The following SPOCK1 variants were observed in gnomAD, a reference collection of about 807,000 sequenced individuals.
The protein encoded by SPOCK1 is SPARC (osteonectin), cwcv and kazal like domains proteoglycan 1.
A neutral mutation model predicts 55.3 loss-of-function variants in SPOCK1; 23 were observed. That is an observed-to-expected ratio of 0.42 (90% CI 0.30 to 0.59). The LOEUF is 0.59. SPOCK1 is among the 20% of genes least tolerant of loss of function. SPOCK1 has a pLI of 0.22. For missense variants in SPOCK1, 499 were observed against 552.5 expected (o/e 0.90, Z 0.97); for synonymous variants, 226 against 221.0 (o/e 1.02, Z -0.20).
chr5:136,979,979 C>T (rs1459081338), intron 9 of SPOCK1, among the ~76,000 whole-genome samples: 1 of 152,198 alleles, frequency 6.6e-6, no homozygotes, highest in Non-Finnish European at 1.5e-5. Context: ...TTAACTACTG[C>T]ACTTGGTTCT....
chr5:137,182,589 C>T (rs997008618), intron 3 of SPOCK1, among the ~76,000 whole-genome samples: 1 of 152,106 alleles, frequency 6.6e-6, no homozygotes, highest in East Asian at 1.9e-4. Context: ...ATTTCGGAGC[C>T]CTTGTCTGAG....
chr5:137,302,494 A>G (rs2905546), intron 2 of SPOCK1, among the ~76,000 whole-genome samples: 129,515 of 151,100 alleles, frequency 0.86, 55,771 homozygotes, highest in African/African-American at 0.94. Context: ...GGAGAATGGC[A>G]TGAACCTGGG....
chr5:137,027,792 C>T (rs565102171), intron 6 of SPOCK1, among the ~76,000 whole-genome samples: 10 of 151,536 alleles, frequency 6.6e-5, no homozygotes, highest in Non-Finnish European at 1.2e-4. Flanking sequence ...ACCCCTTTTG[C>T]ACCCCTCATT....
At chr5:137,105,150 C>T (rs116731824) in intron 5 of SPOCK1, among the ~76,000 whole-genome samples, 2,569 of 152,288 alleles carry the variant, frequency 0.017, 30 homozygotes, top group Non-Finnish European at 0.024. Context: ...TGCCTAATTG[C>T]TGCTGCTGCT....
intron 2 of SPOCK1, among the ~76,000 whole-genome samples, chr5:137,285,086 C>G (rs1314709616): frequency 6.6e-6 from 1 of 152,202 alleles, no homozygotes; most frequent in Non-Finnish European, 1.5e-5. Context: ...GCCTCTGTCC[C>G]CAGCAGCAGC....
At chr5:137,229,074 G>A (rs1434863700) in intron 3 of SPOCK1, among the ~76,000 whole-genome samples, 1 of 152,138 alleles carries the variant, frequency 6.6e-6, no homozygotes, top group Non-Finnish European at 1.5e-5. Context: ...TCAGACTGCA[G>A]CTGCTCCTGG....
intron 3 of SPOCK1, among the ~76,000 whole-genome samples, chr5:137,221,540 A>G (rs1253960552): frequency 6.6e-6 from 1 of 152,156 alleles, no homozygotes; most frequent in African/African-American, 2.4e-5. Context: ...CTAATAACCG[A>G]GACCTTTACA....
At chr5:137,484,912 T>G (rs965899801) in intron 2 of SPOCK1, among the ~76,000 whole-genome samples, 1 of 152,146 alleles carries the variant, frequency 6.6e-6, no homozygotes, top group Non-Finnish European at 1.5e-5. Flanking sequence ...GTTGTGTTGT[T>G]ACATGAAAAA....
chr5:137,033,337 C>G (rs952259305), intron 6 of SPOCK1, among the ~76,000 whole-genome samples: 2 of 152,200 alleles, frequency 1.3e-5, no homozygotes, highest in Non-Finnish European at 2.9e-5. Flanking sequence ...ATGCTACGTG[C>G]CTTCGAATTT....
intron 6 of SPOCK1, among the ~76,000 whole-genome samples, chr5:137,023,436 C>G (rs1304559876): frequency 1.3e-5 from 2 of 152,146 alleles, no homozygotes; most frequent in Non-Finnish European, 2.9e-5. Context: ...CTTGAAGACA[C>G]ATTCTGGTAG....
intron 6 of SPOCK1, among the ~76,000 whole-genome samples, chr5:137,042,435 A>C (rs1025748836): frequency 2.0e-5 from 3 of 152,220 alleles, no homozygotes; most frequent in African/African-American, 7.2e-5. Context: ...TACAGCGTAG[A>C]GTGAACCTTA....
At chr5:137,090,334 C>G (rs1255668093) in intron 5 of SPOCK1, among the ~76,000 whole-genome samples, 1 of 152,154 alleles carries the variant, frequency 6.6e-6, no homozygotes, top group Non-Finnish European at 1.5e-5. Flanking sequence ...CTGTGAATAC[C>G]AGAACACCTC....
intron 6 of SPOCK1, among the ~76,000 whole-genome samples, chr5:137,065,311 G>A (rs1162219079): frequency 1.3e-5 from 2 of 151,334 alleles, no homozygotes; most frequent in Non-Finnish European, 2.9e-5. Flanking sequence ...TTAGGATACT[G>A]TTGGTACTGT....
chr5:137,457,348 A>T (rs1463262599), intron 2 of SPOCK1, among the ~76,000 whole-genome samples: 1 of 152,236 alleles, frequency 6.6e-6, no homozygotes, highest in Non-Finnish European at 1.5e-5. Context: ...TGAGCAGAAT[A>T]CAATATTCCT....
chr5:137,306,630 A>G (rs755092269), intron 2 of SPOCK1, among the ~76,000 whole-genome samples: 13 of 152,214 alleles, frequency 8.5e-5, no homozygotes, highest in Non-Finnish European at 1.6e-4. Flanking sequence ...CAAAAAGTAT[A>G]CAGCAAAAAA....
chr5:137,419,288 T>A (rs1222228530), intron 2 of SPOCK1, among the ~76,000 whole-genome samples: 1 of 152,234 alleles, frequency 6.6e-6, no homozygotes, highest in Non-Finnish European at 1.5e-5. Flanking sequence ...ATGCAGGCTC[T>A]TTTTTGGTTC....
intron 2 of SPOCK1, among the ~76,000 whole-genome samples, chr5:137,454,113 A>C (rs1753315794): frequency 6.6e-6 from 1 of 152,324 alleles, no homozygotes; most frequent in South Asian, 2.1e-4. Context: ...ATTGGTGAGA[A>C]TAGTGAAGAT....
chr5:137,050,887 TC>T (rs1264056267), intron 6 of SPOCK1, among the ~76,000 whole-genome samples: 1 of 152,148 alleles, frequency 6.6e-6, no homozygotes, highest in Admixed American at 6.5e-5. Flanking sequence ...TGAGAAATAC[TC>T]CCGTATTCTG....
At chr5:137,369,325 C>A (rs1314939045) in intron 2 of SPOCK1, among the ~76,000 whole-genome samples, 1 of 152,188 alleles carries the variant, frequency 6.6e-6, no homozygotes, top group Non-Finnish European at 1.5e-5. Context: ...TGGTTTCCAT[C>A]CCGGGCTGTC....
Sources: allele counts gnomAD v4.1 joint callset (sites outside exome capture counted in the v4.1 genomes callset), GRCh38; gene constraint gnomAD v4.1.1; transcripts MANE v1.5; gene names NCBI Gene and HGNC (gene_info 2026-07-23, HGNC 2026-07-21).